Variants in ADGRA3 observed in about 807,000 individuals in gnomAD.
The protein encoded by ADGRA3 is G-protein coupled receptor 125.
In ADGRA3, 56 loss-of-function variants were observed where a neutral mutation model predicts 119.8. That is an observed-to-expected ratio of 0.47 (90% CI 0.38 to 0.58). ADGRA3 has a LOEUF of 0.58. ADGRA3 is among the 20% of genes least tolerant of loss of function. The pLI, the probability that ADGRA3 is intolerant of heterozygous loss-of-function variation, is 0.00. For synonymous variants in ADGRA3, 607 were observed against 623.8 expected (o/e 0.97, Z 0.40); for missense variants, 1,516 against 1,649.0 (o/e 0.92, Z 1.40).
intron 7 of ADGRA3, among the ~76,000 whole-genome samples, chr4:22,442,390 T>C (rs1247468272): frequency 6.6e-6 from 1 of 152,126 alleles, no homozygotes; most frequent in Non-Finnish European, 1.5e-5. Context: ...GTTTACATTT[T>C]TCCTCCAAAA....
At chr4:22,392,787 C>T in intron 16 of ADGRA3, 97 bp from the exon 17 acceptor site, 1 of 1,088,272 alleles carries the variant, frequency 9.2e-7, no homozygotes, top group Non-Finnish European at 1.3e-6. Flanking sequence ...GATTTGAAAG[C>T]AGCAGGAAGG....
At chr4:22,438,706 G>T (rs1034838741) in intron 7 of ADGRA3, among the ~76,000 whole-genome samples, 1 of 152,146 alleles carries the variant, frequency 6.6e-6, no homozygotes, top group Non-Finnish European at 1.5e-5. Context: ...GAAATAGGGA[G>T]AGCAGAACAC....
At chr4:22,402,857 A>T in intron 14 of ADGRA3, 58 bp from the exon 15 acceptor site, 1 of 1,545,984 alleles carries the variant, frequency 6.5e-7, no homozygotes, top group South Asian at 1.2e-5. Flanking sequence ...TTAACTACTG[A>T]GATTTTTTTG....
At chr4:22,403,139 T>C (rs1714742666) in intron 14 of ADGRA3, among the ~76,000 whole-genome samples, 1 of 152,092 alleles carries the variant, frequency 6.6e-6, no homozygotes, top group Non-Finnish European at 1.5e-5. Context: ...CAATGCCCTT[T>C]AAGCCCAGTT....
chr4:22,424,130 G>A (rs952354540), intron 11 of ADGRA3, 61 bp downstream of exon 11: 37 of 1,413,026 alleles, frequency 2.6e-5, no homozygotes, highest in African/African-American at 8.5e-5. Flanking sequence ...TATCTCTTTC[G>A]GGTGAGAGCT....
intron 3 of ADGRA3, among the ~76,000 whole-genome samples, chr4:22,457,425 A>T (rs1221550104): frequency 6.6e-6 from 1 of 152,202 alleles, no homozygotes; most frequent in Admixed American, 6.5e-5. Context: ...CTACTGTCAA[A>T]TATCTTTATA....
intron 16 of ADGRA3, chr4:22,394,309 C>T (rs941628937): frequency 6.6e-6 from 1 of 152,146 alleles, no homozygotes; most frequent in African/African-American, 2.4e-5. Context: ...CCAGGGTGGC[C>T]CCTCTCCAGA....
intron 7 of ADGRA3, among the ~76,000 whole-genome samples, chr4:22,442,303 A>T (rs1169822071): frequency 1.3e-5 from 2 of 152,186 alleles, no homozygotes; most frequent in African/African-American, 2.4e-5. Flanking sequence ...GACTAGAGTC[A>T]ATATCAGGTG....
rs1713928899 is a variant in ADGRA3 at position 22,388,194 on chromosome 4, T to A, written c.3477A>T (p.Glu1159Asp). Residue 1159 changes from glutamate to aspartate, a missense_variant, in exon 19 of 19, where the codon GAA (glutamate) becomes GAT (aspartate). By Grantham distance (45) the Glu-to-Asp change is conservative. This residue lies in a region of ADGRA3 where 1,088 missense variants were observed against 1,107.1 expected (regional missense o/e 0.98). Transcript: ENST00000334304. ...NDIKMHVAPL[E>D]VQFRTNVHSS... is the part of the protein sequence containing the mutation. ...AGTGCACATTTGTTCGAAACTGAAC[T>A]TCTAAAGGCGCCACGTGCATTTTAA... The A allele has an allele frequency of 4.3e-6, 7 of 1,614,118 alleles. No homozygotes were observed. The highest frequency in any genetic ancestry group is 5.1e-6 in the Non-Finnish European group (6 of 1,180,008).
chr4:22,412,144 CA>C (rs1303783406), intron 14 of ADGRA3, among the ~76,000 whole-genome samples: 1 of 152,006 alleles, frequency 6.6e-6, no homozygotes, highest in African/African-American at 2.4e-5. Flanking sequence ...CAGCTGGAAT[CA>C]GAAATAACAT....
At chr4:22,435,509 C>A in intron 9 of ADGRA3, 43 bp from the exon 10 acceptor site, 2 of 1,514,042 alleles carry the variant, frequency 1.3e-6, no homozygotes, top group Non-Finnish European at 9.0e-7. Context: ...CAGTCATTAG[C>A]AAAATGATCA....
chr4:22,407,429 A>G (rs1403640119), intron 14 of ADGRA3, among the ~76,000 whole-genome samples: 1 of 152,172 alleles, frequency 6.6e-6, no homozygotes, highest in Non-Finnish European at 1.5e-5. Context: ...TTATGATAAC[A>G]AAAACATTAC....
intron 8 of ADGRA3, 83 bp downstream of exon 8, chr4:22,438,173 G>A (rs1025728181): frequency 6.0e-6 from 7 of 1,169,546 alleles, no homozygotes; most frequent in Non-Finnish European, 6.2e-6. Context: ...TGTTACTCAG[G>A]ACAGGAAACC....
chr4:22,496,743 C>A (rs1327539412), intron 1 of ADGRA3, among the ~76,000 whole-genome samples: 1 of 152,156 alleles, frequency 6.6e-6, no homozygotes, highest in Non-Finnish European at 1.5e-5. Flanking sequence ...CGGTGAGGAA[C>A]CCTGATATAT....
intron 4 of ADGRA3, among the ~76,000 whole-genome samples, chr4:22,453,480 G>A (rs1364184379): frequency 6.6e-6 from 1 of 152,114 alleles, no homozygotes; most frequent in Non-Finnish European, 1.5e-5. Context: ...TCTAATAATT[G>A]ATTTGAAATC....
chr4:22,426,960 C>A (rs529635566), intron 10 of ADGRA3, among the ~76,000 whole-genome samples: 9 of 152,118 alleles, frequency 5.9e-5, no homozygotes. Flanking sequence ...TTGACTCTTG[C>A]TATGTCAGTT....
chr4:22,454,162 A>T (rs1457324874), intron 4 of ADGRA3, among the ~76,000 whole-genome samples: 5 of 152,150 alleles, frequency 3.3e-5, no homozygotes, highest in Non-Finnish European at 7.4e-5. Flanking sequence ...TTCCTAGCTT[A>T]AAACTTCTTT....
At chr4:22,410,373 A>G (rs1249310902) in intron 14 of ADGRA3, among the ~76,000 whole-genome samples, 1 of 152,178 alleles carries the variant, frequency 6.6e-6, no homozygotes, top group Non-Finnish European at 1.5e-5. Flanking sequence ...CATATCATTC[A>G]AGCAAACCTA....
intron 1 of ADGRA3, chr4:22,478,336 C>A (rs1422828090): frequency 6.6e-6 from 1 of 152,172 alleles, no homozygotes. Flanking sequence ...TTTAGAAGTT[C>A]TCAGTTGCTT....
Sources: allele counts gnomAD v4.1 joint callset (sites outside exome capture counted in the v4.1 genomes callset), GRCh38; gene constraint gnomAD v4.1.1; regional missense constraint gnomAD v4.1.1; transcripts MANE v1.5; gene names NCBI Gene and HGNC (gene_info 2026-07-23, HGNC 2026-07-21).